Variants in MGAT4C observed in about 807,000 individuals in gnomAD.
MGAT4C encodes MGAT4 family member C, also known as alpha-1,3-mannosyl-glycoprotein 4-beta-N-acetylglucosaminyltransferase C.
In MGAT4C, 19 loss-of-function variants were observed where a neutral mutation model predicts 40.1. That is an observed-to-expected ratio of 0.47 (90% CI 0.33 to 0.70). MGAT4C has a LOEUF of 0.70. Ranked by LOEUF, MGAT4C falls within the 30% of genes least tolerant of loss-of-function variation. The probability of loss-of-function intolerance (pLI) is 0.02; values close to 1 mark genes in which losing one functional copy is unlikely to be tolerated. For missense variants in MGAT4C, 491 were observed against 563.2 expected, an observed-to-expected ratio of 0.87 and a Z score of 1.30; for synonymous variants, 181 against 187.1, an observed-to-expected ratio of 0.97 and a Z score of 0.27.
intron 2 of MGAT4C, among the ~76,000 whole-genome samples, chr12:86,633,445 A>C (rs1963124478): frequency 6.6e-6 from 1 of 152,070 alleles, no homozygotes; most frequent in Non-Finnish European, 1.5e-5. Flanking sequence ...TCTATATCTC[A>C]AACTTGGTGG....
chr12:86,837,509 C>G (rs1953060889), intron 1 of MGAT4C, among the ~76,000 whole-genome samples: 1 of 152,094 alleles, frequency 6.6e-6, no homozygotes, highest in Non-Finnish European at 1.5e-5. Context: ...TATTAACCCA[C>G]TGAAGGGAAC....
At chr12:86,065,313 T>G (rs1393831805) in intron 1 of MGAT4C, among the ~76,000 whole-genome samples, 1 of 152,114 alleles carries the variant, frequency 6.6e-6, no homozygotes, top group East Asian at 1.9e-4. Flanking sequence ...AAATCCTCAA[T>G]AAAATATTGG....
At chr12:86,096,255 AG>A (rs1246934848) in intron 1 of MGAT4C, among the ~76,000 whole-genome samples, 4 of 151,780 alleles carry the variant, frequency 2.6e-5, no homozygotes, top group African/African-American at 4.8e-5. Flanking sequence ...TGGCCATTAT[AG>A]GTCACATACA....
intron 2 of MGAT4C, among the ~76,000 whole-genome samples, chr12:86,712,588 A>G (rs1950576770): frequency 6.6e-6 from 1 of 152,144 alleles, no homozygotes; most frequent in African/African-American, 2.4e-5. Context: ...ACTCATGACG[A>G]AACTATTATT....
intron 1 of MGAT4C, among the ~76,000 whole-genome samples, chr12:86,105,570 T>C (rs1198334513): frequency 6.6e-6 from 1 of 152,132 alleles, no homozygotes; most frequent in Non-Finnish European, 1.5e-5. Flanking sequence ...AGAACAGAAC[T>C]GTAAGAAATA....
chr12:86,714,479 C>T (rs1046199406), intron 2 of MGAT4C, among the ~76,000 whole-genome samples: 2 of 152,004 alleles, frequency 1.3e-5, no homozygotes, highest in African/African-American at 4.8e-5. Flanking sequence ...ATAATTGAAT[C>T]ATGAGGGTGG....
At chr12:86,269,330 C>T (rs1332634135) in intron 4 of MGAT4C, among the ~76,000 whole-genome samples, 1 of 151,188 alleles carries the variant, frequency 6.6e-6, no homozygotes, top group East Asian at 1.9e-4. Flanking sequence ...CTCATTTCTA[C>T]TTATTTCCAA....
Position 85,972,623 on chromosome 12 carries a change from C to T in MGAT4C, c.*6666G>A, listed in dbSNP as rs1883680455. 1 of 150,864 alleles carries T rather than the reference C, an allele frequency of 6.6e-6. No individual in the cohort carries two copies. Among genetic ancestry groups the T allele is most frequent in the South Asian group, 2.1e-4 (1 of 4,820 alleles). The allele number at this position is 150,864 out of a possible 1,614,324, so 9.3% of individuals were successfully genotyped here. ...ACAACTACTGATATCGTCACATGGT[C>T]CTTTAGTGACCAAAAATGCACAGTT... On this transcript the variant is annotated 3_prime_UTR_variant, in exon 5 of 5. Transcript: ENST00000611864.
chr12:86,016,867 C>T (rs1889133390), intron 2 of MGAT4C, among the ~76,000 whole-genome samples: 1 of 151,990 alleles, frequency 6.6e-6, no homozygotes, highest in African/African-American at 2.4e-5. Context: ...ACATTTGTCT[C>T]TCATTTTAAT....
At chr12:86,283,285 A>G (rs1953265390) in intron 4 of MGAT4C, among the ~76,000 whole-genome samples, 2 of 151,856 alleles carry the variant, frequency 1.3e-5, no homozygotes, top group African/African-American at 4.8e-5. Flanking sequence ...TGTTATTCAG[A>G]TTCTAAACAC....
intron 1 of MGAT4C, among the ~76,000 whole-genome samples, chr12:86,082,250 G>A (rs1445375075): frequency 4.6e-5 from 7 of 152,224 alleles, no homozygotes; most frequent in Admixed American, 6.5e-5. Context: ...AGTGACCTTA[G>A]GTTGGCCTCA....
intron 1 of MGAT4C, among the ~76,000 whole-genome samples, chr12:86,788,826 A>G (rs566560827): frequency 6.6e-6 from 1 of 152,276 alleles, no homozygotes; most frequent in Non-Finnish European, 1.5e-5. Context: ...CTTTTGAAGG[A>G]AATCTTGTCA....
At chr12:86,740,506 C>T (rs1951052232) in intron 1 of MGAT4C, among the ~76,000 whole-genome samples, 2 of 151,154 alleles carry the variant, frequency 1.3e-5, no homozygotes, top group African/African-American at 2.4e-5. Flanking sequence ...TAAATTAGAA[C>T]AAATAAAAAT....
chr12:86,765,612 G>C (rs1400949286), intron 1 of MGAT4C, among the ~76,000 whole-genome samples: 2 of 152,204 alleles, frequency 1.3e-5, no homozygotes, highest in Non-Finnish European at 1.5e-5. Flanking sequence ...AGGGCAGCCA[G>C]AGAGAAAGGT....
chr12:86,590,448 T>C (rs1035684041), intron 2 of MGAT4C, among the ~76,000 whole-genome samples: 7 of 152,072 alleles, frequency 4.6e-5, no homozygotes, highest in Admixed American at 3.3e-4. Context: ...ACTGCTCTTA[T>C]ATTTGCTGAA....
intron 1 of MGAT4C, among the ~76,000 whole-genome samples, chr12:86,757,320 C>CA (rs1007956920): frequency 6.6e-6 from 1 of 152,034 alleles, no homozygotes; most frequent in African/African-American, 2.4e-5. Flanking sequence ...ACCTATGTAA[C>CA]AAAACTGCAC....
chr12:86,598,649 G>T (rs1456845142), intron 2 of MGAT4C, among the ~76,000 whole-genome samples: 1 of 151,982 alleles, frequency 6.6e-6, no homozygotes, highest in Non-Finnish European at 1.5e-5. Context: ...TATCATATAA[G>T]CTCATCAGGG....
intron 4 of MGAT4C, among the ~76,000 whole-genome samples, chr12:86,268,099 T>C (rs1254455999): frequency 6.6e-6 from 1 of 152,146 alleles, no homozygotes; most frequent in Non-Finnish European, 1.5e-5. Flanking sequence ...CCTTGAATTA[T>C]AAATTCTTTT....
chr12:86,765,324 T>A (rs1951485516), intron 1 of MGAT4C, among the ~76,000 whole-genome samples: 1 of 151,912 alleles, frequency 6.6e-6, no homozygotes, highest in Admixed American at 6.6e-5. Context: ...GAAAAAAGAA[T>A]AAAAAGAAAT....
Sources: gnomAD v4.1 joint callset for allele counts (sites outside exome capture counted in the v4.1 genomes callset) on GRCh38, gnomAD v4.1.1 for gene constraint, MANE v1.5 for transcripts, NCBI Gene and HGNC (gene_info 2026-07-23, HGNC 2026-07-21) for gene names.